The following SAMD5 variants were observed in gnomAD, a reference collection of about 807,000 sequenced individuals.
The protein encoded by SAMD5 is sterile alpha motif domain-containing protein 5.
Under a neutral mutation model 11.3 loss-of-function variants are expected in SAMD5, and 13 were observed. That is an observed-to-expected ratio of 1.15 (90% CI 0.75 to 1.83). The LOEUF is 1.83. SAMD5 is among the 40% of genes most tolerant of loss of function. SAMD5 has a pLI of 0.00. For synonymous variants in SAMD5, 129 were observed against 111.3 expected (o/e 1.16, Z -1.00); for missense variants, 255 against 239.1 (o/e 1.07, Z -0.44).
chr6:147,509,359 A>T lies in SAMD5; in HGVS notation c.431A>T (p.His144Leu). ...IRDKLVRDGI[H>L]LSKPPYSRKV... is the part of the protein sequence containing the mutation. The stretch of plus-strand genomic sequence containing the variant: ...GATAAGCTCGTCCGTGACGGCATCC[A>T]CCTGAGCAAGCCCCCGTACTCCCGC... The change falls in exon 1 of 2, where the codon CAC (histidine) becomes CTC (leucine). Residue 144 changes from histidine (H) to leucine (L), a missense_variant. Transcript: ENST00000367474. 6.4e-6 allele frequency: 10 copies of T among 1,571,868 alleles called. No individual in the cohort carries two copies. Among genetic ancestry groups the T allele is most frequent in the Non-Finnish European group, 8.6e-6 (10 of 1,160,680 alleles).
intron 1 of SAMD5, among the ~76,000 whole-genome samples, chr6:147,541,974 C>T (rs551646518): frequency 1.3e-5 from 2 of 152,196 alleles, no homozygotes; most frequent in South Asian, 4.2e-4. Context: ...AACACCCCAC[C>T]ATAGGGCTAC....
intron 1 of SAMD5, among the ~76,000 whole-genome samples, chr6:147,616,324 C>CATATATAT (rs1789873080): frequency 7.4e-6 from 1 of 136,036 alleles, no homozygotes; most frequent in African/African-American, 3.1e-5. Context: ...TTCATATATA[C>CATATATAT]TTCATATATA....
chr6:147,919,866 A>G, the SAMD5 span, among the ~76,000 whole-genome samples: 1 of 152,254 alleles, frequency 6.6e-6, no homozygotes, highest in Non-Finnish European at 1.5e-5. Context: ...ACGTGACCTC[A>G]TAAGGACTCA....
intron 1 of SAMD5, among the ~76,000 whole-genome samples, chr6:147,591,848 C>T (rs916800942): frequency 2.0e-4 from 30 of 152,056 alleles, no homozygotes; most frequent in Admixed American, 6.5e-5. Context: ...TCAGGTGCTT[C>T]CCCAGAGCCT....
chr6:147,841,010 A>G, the SAMD5 span, among the ~76,000 whole-genome samples: 1 of 152,222 alleles, frequency 6.6e-6, no homozygotes, highest in South Asian at 2.1e-4. Context: ...AGTTTGAACT[A>G]TAAAAGTCAG....
chr6:147,771,423 G>A, the SAMD5 span, among the ~76,000 whole-genome samples: 1 of 152,088 alleles, frequency 6.6e-6, no homozygotes, highest in East Asian at 1.9e-4. Flanking sequence ...CTCCACCCTG[G>A]TTATAAAAAG....
intron 1 of SAMD5, among the ~76,000 whole-genome samples, chr6:147,633,282 C>T (rs138840030): frequency 1.3e-5 from 2 of 152,282 alleles, no homozygotes; most frequent in East Asian, 3.9e-4. Context: ...TTACAAGCCA[C>T]GTGCTTTGAA....
In SAMD5 at chr6:147,686,710, C is replaced by CTT. The variant is rs36105411; in HGVS notation, c.163-50598_163-50597dup. The stretch of plus-strand genomic sequence containing the variant: ...AGTTTTGGTATCCATTATAACAACT[C>CTT]TTTTTTTTTTCCTCACTCAACGTAT... On this transcript the variant is annotated intron_variant, in intron 1 of 1. Transcript: ENST00000566741. Among the ~76,000 whole-genome samples, 1,342 of 149,648 alleles carry CTT rather than the reference C, an allele frequency of 9.0e-3. 67 individuals are homozygous for CTT. Among genetic ancestry groups the CTT allele is most frequent in the Admixed American group, 0.07 (1,052 of 14,974 alleles).
chr6:147,605,948 G>A (rs757517866), intron 1 of SAMD5, among the ~76,000 whole-genome samples: 10 of 151,998 alleles, frequency 6.6e-5, no homozygotes, highest in Non-Finnish European at 1.5e-4. Context: ...TGGGCCCAGA[G>A]CAGGGTTGGC....
At chr6:147,904,183 T>C in the SAMD5 span, among the ~76,000 whole-genome samples, 3 of 152,178 alleles carry the variant, frequency 2.0e-5, no homozygotes, top group East Asian at 1.9e-4. Context: ...TCTTCTTTAA[T>C]AGCAGCTAGA....
At chr6:147,607,148 C>A (rs149526536) in intron 1 of SAMD5, among the ~76,000 whole-genome samples, 12 of 152,036 alleles carry the variant, frequency 7.9e-5, no homozygotes, top group African/African-American at 2.2e-4. Context: ...TATTAACTCT[C>A]ATAGAAGTTT....
At chr6:147,510,331 C>A (rs1008404938) in intron 1 of SAMD5, among the ~76,000 whole-genome samples, 4 of 152,174 alleles carry the variant, frequency 2.6e-5, no homozygotes, top group Non-Finnish European at 5.9e-5. Flanking sequence ...GTTTAGGTTT[C>A]TAGTTCAGGC....
intron 1 of SAMD5, among the ~76,000 whole-genome samples, chr6:147,557,643 T>C (rs746195850): frequency 6.6e-6 from 1 of 152,226 alleles, no homozygotes; most frequent in African/African-American, 2.4e-5. Flanking sequence ...AAATCCAGGA[T>C]AATTTCATCT....
the SAMD5 span, among the ~76,000 whole-genome samples, chr6:147,770,343 C>T: frequency 6.6e-6 from 1 of 151,838 alleles, no homozygotes; most frequent in Non-Finnish European, 1.5e-5. Flanking sequence ...AGAGATTAAG[C>T]ATCTGGATCA....
chr6:147,784,920 T>C, the SAMD5 span, among the ~76,000 whole-genome samples: 1 of 152,218 alleles, frequency 6.6e-6, no homozygotes, highest in African/African-American at 2.4e-5. Flanking sequence ...GCTTCCTTTT[T>C]AACTTGTTAA....
At chr6:147,760,758 A>G in the SAMD5 span, among the ~76,000 whole-genome samples, 1 of 152,188 alleles carries the variant, frequency 6.6e-6, no homozygotes, top group African/African-American at 2.4e-5. Context: ...GGCTTTGCCT[A>G]AACTTCTAGA....
rs552844412 is a variant in SAMD5 at position 147,534,970 on chromosome 6, A to G, written c.459+25583A>G. Among the ~76,000 whole-genome samples, 68 of 152,364 alleles carry G rather than the reference A, an allele frequency of 4.5e-4. 1 individual carries two copies. The highest frequency in any genetic ancestry group is 6.6e-4 in the Non-Finnish European group (45 of 68,034). ...GTTTCTCCCAAAGTTAGTTCAGCCT[A>G]TGCCCAGGAATGAACAAGGACAGCT... On this transcript the variant is annotated intron_variant, in intron 1 of 1. Coordinates refer to ENST00000367474, the MANE Select transcript of SAMD5 (RefSeq NM_001030060.3).
the SAMD5 span, among the ~76,000 whole-genome samples, chr6:147,894,411 C>T: frequency 6.6e-6 from 1 of 152,054 alleles, no homozygotes; most frequent in East Asian, 1.9e-4. Flanking sequence ...TGTGAGCCAC[C>T]ACATCCAGCC....
the SAMD5 span, among the ~76,000 whole-genome samples, chr6:147,789,426 A>T: frequency 1.3e-5 from 2 of 152,142 alleles, no homozygotes; most frequent in African/African-American, 4.8e-5. Flanking sequence ...CCAGAGATAT[A>T]TTTTTTTAAT....
Sources: allele counts gnomAD v4.1 joint callset (sites outside exome capture counted in the v4.1 genomes callset), GRCh38; gene constraint gnomAD v4.1.1; transcripts MANE v1.5; gene names NCBI Gene and HGNC (gene_info 2026-07-23, HGNC 2026-07-21).